PHF2: variants seen among roughly 807,000 people sequenced by gnomAD.
PHF2 encodes lysine-specific demethylase PHF2.
PHF2 carries 27 observed loss-of-function variants against 120.5 expected under a neutral mutation model. The ratio of observed to expected loss-of-function variants is 0.22; its 90% CI spans 0.17 to 0.31. The LOEUF is 0.31. PHF2 is among the 10% of genes least tolerant of loss of function. The probability of loss-of-function intolerance (pLI) is 1.00; values close to 1 mark genes in which losing one functional copy is unlikely to be tolerated. For synonymous variants in PHF2, 568 were observed against 592.5 expected (o/e 0.96, Z 0.60); for missense variants, 1,024 against 1,434.8 (o/e 0.71, Z 4.63).
At chr9:93,669,071 G>A (rs1004280835) in intron 17 of PHF2, among the ~76,000 whole-genome samples, 17 of 152,246 alleles carry the variant, frequency 1.1e-4, no homozygotes, top group African/African-American at 1.7e-4. Context: ...TTTCCATGCC[G>A]ACTAGTTAGA....
chr9:93,597,112 G>A (rs1276243814), intron 1 of PHF2, among the ~76,000 whole-genome samples: 1 of 151,986 alleles, frequency 6.6e-6, no homozygotes, highest in Non-Finnish European at 1.5e-5. Context: ...TATATTTTTA[G>A]TAGAGACGGG....
At position 93,659,557 on chromosome 9, in the gene PHF2, C is replaced by T; in HGVS notation, c.1286C>T (p.Ser429Leu). 1.9e-6 allele frequency: 3 copies of T among 1,614,116 alleles called. No homozygotes were observed. The highest frequency in any genetic ancestry group is 2.5e-6 in the Non-Finnish European group (3 of 1,180,014). The change falls in exon 11 of 22, where the codon TCA becomes TTA. Residue 429 changes from serine (S) to leucine (L), a missense_variant. Ser to Leu is a moderately radical substitution (Grantham distance 145). Coordinates refer to ENST00000359246, the MANE Select transcript of PHF2 (RefSeq NM_005392.4). ...GAGCTCCCGGAGCACTTCAAACCTT[C>T]ACAGCTAATCAAAGACCTGGCCAAA... ...EDELPEHFKP[S>L]QLIKDLAKEI...
chr9:93,656,507 G>A lies in PHF2; in HGVS notation c.1059G>A (p.Arg353=). 6.2e-7 allele frequency: 1 copy of A among 1,613,488 alleles called. No individual in the cohort carries two copies. The highest frequency in any genetic ancestry group is 1.1e-5 in the South Asian group (1 of 91,078). Reference sequence around the variant, plus strand: ...CTTCTAGAGCATATGAAGTGGAAAGGAGGTTGAAACTGGGCAGCCTGACTC... The same window carrying A: ...CTTCTAGAGCATATGAAGTGGAAAGAAGGTTGAAACTGGGCAGCCTGACTC... ...EMQMRAYEVE[R]RLKLGSLTQF... The change falls in exon 9 of 22, where the codon AGG becomes AGA. Residue 353 remains arginine (R), a synonymous_variant. Transcript: ENST00000359246. This position sits in a 1 kb window ranked among gnomAD's most constrained non-coding sequence, Gnocchi z 4.1.
At chr9:93,658,345 C>A in intron 10 of PHF2, 109 bp downstream of exon 10, 1 of 877,710 alleles carries the variant, frequency 1.1e-6, no homozygotes, top group Non-Finnish European at 1.8e-6. Context: ...TCAGTGAGAT[C>A]CAGCCTGGGA....
chr9:93,578,154 T>A (rs543885349), intron 1 of PHF2, among the ~76,000 whole-genome samples: 2 of 152,316 alleles, frequency 1.3e-5, no homozygotes, highest in Non-Finnish European at 2.9e-5. Context: ...GTGGCTGGGA[T>A]GTGACAGGGC....
At chr9:93,641,367 A>G (rs1025674491) in intron 3 of PHF2, among the ~76,000 whole-genome samples, 6 of 152,136 alleles carry the variant, frequency 3.9e-5, no homozygotes, top group Non-Finnish European at 8.8e-5. Context: ...AAAAGTTATC[A>G]CTTAAGTGTT....
Position 93,674,859 on chromosome 9 carries a change from C to A in PHF2, c.2627-68C>A. On this transcript the variant is annotated intron_variant, in intron 18 of 21. Transcript: ENST00000359246. Reference sequence around the variant, plus strand: ...GAGGAAGGTCTGCAGCCACCTGTACCCCCCCGCCCTCCTCCGTGGACCTGC... The same window carrying A: ...GAGGAAGGTCTGCAGCCACCTGTACACCCCCGCCCTCCTCCGTGGACCTGC... 2.6e-6 allele frequency: 3 copies of A among 1,133,200 alleles called. No homozygotes were observed. The Admixed American group carries it at 5.2e-5, about 19-fold the overall frequency. 70.2% of individuals were successfully genotyped at this position (1,133,200 alleles called of 1,614,324 possible).
At chr9:93,646,655 T>C (rs1016922381) in intron 4 of PHF2, among the ~76,000 whole-genome samples, 1 of 152,114 alleles carries the variant, frequency 6.6e-6, no homozygotes. Context: ...TGAAGTCACC[T>C]GTACAAGCCT....
intron 17 of PHF2, 100 bp downstream of exon 17, chr9:93,667,340 C>G: frequency 7.0e-7 from 1 of 1,426,630 alleles, no homozygotes. Flanking sequence ...AGACGCACAG[C>G]TGGAGCCAGT....
At chr9:93,609,793 T>C (rs1489118984) in intron 1 of PHF2, among the ~76,000 whole-genome samples, 1 of 152,118 alleles carries the variant, frequency 6.6e-6, no homozygotes, top group Non-Finnish European at 1.5e-5. Context: ...ACCTCCTGGG[T>C]TGAGGCAATT....
intron 5 of PHF2, among the ~76,000 whole-genome samples, chr9:93,651,667 C>G (rs541682913): frequency 1.1e-4 from 16 of 152,268 alleles, no homozygotes; most frequent in African/African-American, 3.9e-4. Context: ...GGTGATGTTC[C>G]CACTGCTGGT....
chr9:93,585,179 C>A (rs1349212907), intron 1 of PHF2, among the ~76,000 whole-genome samples: 2 of 152,328 alleles, frequency 1.3e-5, no homozygotes, highest in Non-Finnish European at 1.5e-5. Context: ...CCAGTGCATG[C>A]CTGCATGCTT....
At chr9:93,640,864 G>T (rs973050377) in intron 3 of PHF2, among the ~76,000 whole-genome samples, 2 of 152,182 alleles carry the variant, frequency 1.3e-5, no homozygotes, top group African/African-American at 4.8e-5. Context: ...TAGGACCTGG[G>T]CTGTGTTAAA....
At chr9:93,587,903 G>A (rs1397721589) in intron 1 of PHF2, among the ~76,000 whole-genome samples, 1 of 152,176 alleles carries the variant, frequency 6.6e-6, no homozygotes, top group Non-Finnish European at 1.5e-5. Context: ...CTGTCTGCTG[G>A]GTAGCCCTTG....
intron 17 of PHF2, 112 bp from the exon 18 acceptor site, chr9:93,673,473 A>G (rs76244171): frequency 0.08 from 78,003 of 970,330 alleles, 3,550 homozygotes; most frequent in Non-Finnish European, 0.093. Flanking sequence ...TCTGCCTGCC[A>G]CCTGGGCCAG....
chr9:93,623,032 C>T (rs946829642), intron 1 of PHF2, among the ~76,000 whole-genome samples: 1 of 152,168 alleles, frequency 6.6e-6, no homozygotes, highest in African/African-American at 2.4e-5. Flanking sequence ...TTCATCTGCT[C>T]CAGATGCTGC....
rs1587726516 is a variant in PHF2 at position 93,677,519 on chromosome 9, A to C, written c.3203-69A>C. Reference sequence around the variant, plus strand: ...TAGTGTCAGCGGGACCCTCCCCCCCACCGGCATGCCACGCCCCTTGCCATC... The same window carrying C: ...TAGTGTCAGCGGGACCCTCCCCCCCCCCGGCATGCCACGCCCCTTGCCATC... On this transcript the variant is annotated intron_variant, in intron 21 of 21. Coordinates refer to ENST00000359246, the MANE Select transcript of PHF2 (RefSeq NM_005392.4). This position sits in a 1 kb window ranked among gnomAD's most constrained non-coding sequence, Gnocchi z 4.4. 1.8e-6 allele frequency: 2 copies of C among 1,139,416 alleles called. No homozygotes were observed. The highest frequency in any genetic ancestry group is 2.6e-6 in the Non-Finnish European group (2 of 762,280). 70.6% of individuals were successfully genotyped at this position (1,139,416 alleles called of 1,614,324 possible).
chr9:93,625,643 A>G (rs970042996), intron 1 of PHF2, among the ~76,000 whole-genome samples: 1 of 151,900 alleles, frequency 6.6e-6, no homozygotes, highest in Admixed American at 6.6e-5. Context: ...ATGCCCAGCT[A>G]ATTTTTGTAT....
chr9:93,615,288 T>C (rs1433194938), intron 1 of PHF2, among the ~76,000 whole-genome samples: 2 of 150,064 alleles, frequency 1.3e-5, no homozygotes, highest in Non-Finnish European at 3.0e-5. Context: ...ATAGTAATGA[T>C]GGTGATGGTG....
Sources: gnomAD v4.1 joint callset for allele counts (sites outside exome capture counted in the v4.1 genomes callset) on GRCh38, gnomAD v4.1.1 for gene constraint, Gnocchi (gnomAD v3.1) non-coding constraint, MANE v1.5 for transcripts, NCBI Gene and HGNC (gene_info 2026-07-23, HGNC 2026-07-21) for gene names.